Variants in ZNF423 observed in about 807,000 individuals in gnomAD.
The protein encoded by ZNF423 is Ebf-associated zinc finger protein.
A neutral mutation model predicts 95.8 loss-of-function variants in ZNF423; 12 were observed. That is an observed-to-expected ratio of 0.13 (90% CI 0.08 to 0.20). The LOEUF (loss-of-function observed/expected upper bound fraction) is 0.20. Ranked by LOEUF, ZNF423 falls within the 10% of genes least tolerant of loss-of-function variation. The probability of loss-of-function intolerance (pLI) is 1.00; values close to 1 mark genes in which losing one functional copy is unlikely to be tolerated. For missense variants in ZNF423, 1,316 were observed against 1,737.1 expected (o/e 0.76, Z 4.31); for synonymous variants, 749 against 711.9 (o/e 1.05, Z -0.83).
intron 5 of ZNF423, among the ~76,000 whole-genome samples, chr16:49,625,013 A>G (rs1422390881): frequency 6.6e-6 from 1 of 152,272 alleles, no homozygotes; most frequent in South Asian, 2.1e-4. Flanking sequence ...TTTGTAAACC[A>G]GTACTCCGAT....
chr16:49,657,050 C>T (rs2029909403), intron 3 of ZNF423, among the ~76,000 whole-genome samples: 1 of 152,178 alleles, frequency 6.6e-6, no homozygotes, highest in Non-Finnish European at 1.5e-5. Context: ...GACACCCGTT[C>T]AGGGGCACAA....
rs1341604036 is a variant in ZNF423 at position 49,637,464 on chromosome 16, T to G, written c.1712A>C (p.Tyr571Ser). 6.2e-7 allele frequency: 1 copy of G among 1,614,030 alleles called. No individual in the cohort carries two copies. The highest frequency in any genetic ancestry group is 1.1e-5 in the South Asian group (1 of 91,054). ...GGAGTTGGTGCAGTAGGGGCAGGAA[T>G]AGACCTCCATGAAGGACTGCGTGGG... ...VQPTQSFMEVYSCPYCTNSPI... is the reference protein window; with the variant it reads ...VQPTQSFMEVSSCPYCTNSPI... The change falls in exon 4 of 8, where the codon TAT becomes TCT. Residue 571 changes from tyrosine to serine, a missense_variant. Tyr to Ser is a moderately radical substitution (Grantham distance 144). Coordinates refer to ENST00000563137, the MANE Select transcript of ZNF423 (RefSeq NM_001379286.1). This position sits in a 1 kb window ranked among gnomAD's most constrained non-coding sequence, Gnocchi z 5.6.
chr16:49,638,422 G>A lies in ZNF423; in HGVS notation c.754C>T (p.His252Tyr), dbSNP rs1596766889. Residue 252 changes from histidine to tyrosine, a missense_variant, in exon 4 of 8, where the codon CAC becomes TAC. Coordinates refer to ENST00000563137, the MANE Select transcript of ZNF423 (RefSeq NM_001379286.1). This position sits in a 1 kb window ranked among gnomAD's most constrained non-coding sequence, Gnocchi z 5.6. ...TSSLQSHMQA[H>Y]KKNKEHLAKS... ...GCCAGATGCTCCTTGTTCTTTTTGT[G>A]GGCCTGCATGTGGCTCTGCAGCGAG... 1 of 1,613,872 alleles carries A rather than the reference G, an allele frequency of 6.2e-7. No individual in the cohort carries two copies. Among genetic ancestry groups the A allele is most frequent in the Non-Finnish European group, 8.5e-7 (1 of 1,180,036 alleles).
chr16:49,698,369 G>A (rs978740341), intron 3 of ZNF423, among the ~76,000 whole-genome samples: 5 of 151,922 alleles, frequency 3.3e-5, no homozygotes, highest in South Asian at 2.1e-4. Flanking sequence ...AGGGGTGGGG[G>A]AATTAATTGC....
intron 5 of ZNF423, among the ~76,000 whole-genome samples, chr16:49,589,861 G>T (rs75607352): frequency 6.6e-6 from 1 of 151,770 alleles, no homozygotes; most frequent in Non-Finnish European, 1.5e-5. Flanking sequence ...TCGCCATAAC[G>T]AGAGCTGAAC....
intron 5 of ZNF423, among the ~76,000 whole-genome samples, chr16:49,547,418 T>G (rs1443753743): frequency 6.6e-6 from 1 of 152,114 alleles, no homozygotes; most frequent in Admixed American, 6.5e-5. Flanking sequence ...GCCATAAGGC[T>G]CAGCAGAGCA....
chr16:49,536,459 T>C (rs1969059707), intron 5 of ZNF423, among the ~76,000 whole-genome samples: 1 of 151,488 alleles, frequency 6.6e-6, no homozygotes, highest in African/African-American at 2.4e-5. Flanking sequence ...TGGTTTTTTT[T>C]CTGGGACAGG....
At position 49,812,319 on chromosome 16, in the gene ZNF423, G is replaced by T. The variant is rs547315630; in HGVS notation, c.41-22773C>A. Among the ~76,000 whole-genome samples, 8 of 152,346 alleles carry T rather than the reference G, an allele frequency of 5.3e-5. No individual in the cohort carries two copies. The East Asian group carries it at 1.5e-3, about 29-fold the overall frequency. ...ATCCACATTCCCCATCTACCTGGTT[G>T]TTTTCTAGAAGCTACAGGCACCTGC... On this transcript the variant is annotated intron_variant, in intron 1 of 7. Coordinates refer to ENST00000563137, the MANE Select transcript of ZNF423 (RefSeq NM_001379286.1).
chr16:49,817,249 G>A (rs1051607090), intron 1 of ZNF423, among the ~76,000 whole-genome samples: 8 of 152,190 alleles, frequency 5.3e-5, no homozygotes, highest in African/African-American at 1.7e-4. Flanking sequence ...GAGAGCAGGG[G>A]GAGGCAGGGG....
chr16:49,646,652 C>T (rs1188196546), intron 3 of ZNF423, among the ~76,000 whole-genome samples: 2 of 150,476 alleles, frequency 1.3e-5, no homozygotes, highest in Admixed American at 1.3e-4. Flanking sequence ...CTTCCTGCCA[C>T]CTCTGCCTCC....
chr16:49,616,864 T>C (rs1971892728), intron 5 of ZNF423, among the ~76,000 whole-genome samples: 6 of 152,136 alleles, frequency 3.9e-5, no homozygotes, highest in Admixed American at 3.9e-4. Context: ...ACTGGGACTC[T>C]ATCATCATCA....
At chr16:49,685,318 C>A (rs2031522045) in intron 3 of ZNF423, among the ~76,000 whole-genome samples, 1 of 152,198 alleles carries the variant, frequency 6.6e-6, no homozygotes, top group African/African-American at 2.4e-5. Context: ...CTACTGTGTG[C>A]CAGGCATGGA....
intron 1 of ZNF423, among the ~76,000 whole-genome samples, chr16:49,816,157 G>A (rs762651343): frequency 6.6e-6 from 1 of 151,410 alleles, no homozygotes; most frequent in Admixed American, 6.6e-5. Context: ...GGGCTCCCAC[G>A]ATCCACCTGC....
intron 2 of ZNF423, among the ~76,000 whole-genome samples, chr16:49,778,161 GC>G (rs1474670612): frequency 1.3e-5 from 2 of 152,200 alleles, no homozygotes; most frequent in African/African-American, 4.8e-5. Context: ...GCATCAGATA[GC>G]CAGGTTCAGC....
At chr16:49,768,885 C>A (rs933414969) in intron 2 of ZNF423, among the ~76,000 whole-genome samples, 1 of 152,172 alleles carries the variant, frequency 6.6e-6, no homozygotes, top group Non-Finnish European at 1.5e-5. Flanking sequence ...ACAAGCCGAA[C>A]TTTTGAGCCA....
At chr16:49,678,043 C>CGTGGT (rs1443948090) in intron 3 of ZNF423, among the ~76,000 whole-genome samples, 1 of 151,872 alleles carries the variant, frequency 6.6e-6, no homozygotes, top group Admixed American at 6.6e-5. Context: ...ATTAGCTGGG[C>CGTGGT]GTGGTGATGG....
At chr16:49,573,644 C>A (rs868837784) in intron 5 of ZNF423, among the ~76,000 whole-genome samples, 1 of 152,270 alleles carries the variant, frequency 6.6e-6, no homozygotes, top group Middle Eastern at 3.4e-3. Flanking sequence ...ATCCTAATTA[C>A]CTCCCAAAGG....
chr16:49,680,032 C>T (rs1042579653), intron 3 of ZNF423, among the ~76,000 whole-genome samples: 6 of 152,234 alleles, frequency 3.9e-5, no homozygotes, highest in African/African-American at 1.4e-4. Context: ...CTGTGGGTCT[C>T]CTCTGAGCTG....
At chr16:49,524,193 A>G (rs74517033) in intron 6 of ZNF423, among the ~76,000 whole-genome samples, 166 of 152,296 alleles carry the variant, frequency 1.1e-3, no homozygotes, top group African/African-American at 3.9e-3. Flanking sequence ...CCCATTTTAT[A>G]CAAGAGAAAA....
Sources: gnomAD v4.1 joint callset for allele counts (sites outside exome capture counted in the v4.1 genomes callset) on GRCh38, gnomAD v4.1.1 for gene constraint, Gnocchi (gnomAD v3.1) non-coding constraint, MANE v1.5 for transcripts, NCBI Gene and HGNC (gene_info 2026-07-23, HGNC 2026-07-21) for gene names.